SKAP1: variants seen among roughly 807,000 people sequenced by gnomAD.
SKAP1 encodes the protein src kinase associated phosphoprotein 1, also known as src kinase-associated phosphoprotein 1.
Under a neutral mutation model 58.5 loss-of-function variants are expected in SKAP1, and 44 were observed. The observed-to-expected ratio is 0.75, with a 90% confidence interval of 0.59 to 0.97. The LOEUF (loss-of-function observed/expected upper bound fraction) is 0.97, where lower values mean the gene tolerates loss of function less well. SKAP1 is among the 50% of genes least tolerant of loss of function. SKAP1 has a pLI of 0.00. For missense variants in SKAP1, 390 were observed against 435.2 expected (o/e 0.90, Z 0.92); for synonymous variants, 127 against 149.7 (o/e 0.85, Z 1.11).
At chr17:48,339,842 G>A (rs2066624191) in intron 4 of SKAP1, among the ~76,000 whole-genome samples, 1 of 151,940 alleles carries the variant, frequency 6.6e-6, no homozygotes, top group Admixed American at 6.6e-5. Flanking sequence ...CACAATAATG[G>A]GGATCTCAAA....
intron 1 of SKAP1, among the ~76,000 whole-genome samples, chr17:48,405,392 CCTTT>C (rs376278484): frequency 0.034 from 3,600 of 107,076 alleles, 91 homozygotes; most frequent in East Asian, 0.085. Flanking sequence ...TTTTCTCTTT[CCTTT>C]CTTTCTTTCT....
intron 4 of SKAP1, among the ~76,000 whole-genome samples, chr17:48,226,509 A>C (rs2065070203): frequency 6.6e-6 from 1 of 152,206 alleles, no homozygotes; most frequent in African/African-American, 2.4e-5. Context: ...TATTAAAGAT[A>C]TCTAAGTCTA....
chr17:48,306,623 T>C (rs1409290911), intron 4 of SKAP1, among the ~76,000 whole-genome samples: 2 of 152,208 alleles, frequency 1.3e-5, no homozygotes, highest in Non-Finnish European at 2.9e-5. Flanking sequence ...TAGTACTTAG[T>C]TGAAGTTATT....
chr17:48,187,554 T>TA (rs1414144472), intron 6 of SKAP1, among the ~76,000 whole-genome samples: 4 of 152,200 alleles, frequency 2.6e-5, no homozygotes, highest in African/African-American at 9.7e-5. Context: ...TTATTTTTTT[T>TA]AAAAACCAAA....
chr17:48,225,315 G>T (rs2065055158), intron 4 of SKAP1, among the ~76,000 whole-genome samples: 1 of 152,148 alleles, frequency 6.6e-6, no homozygotes, highest in South Asian at 2.1e-4. Context: ...ATATAGCAGG[G>T]AGTCAGAGAT....
chr17:48,211,233 G>C (rs1163098932), intron 4 of SKAP1, among the ~76,000 whole-genome samples: 1 of 152,120 alleles, frequency 6.6e-6, no homozygotes, highest in Non-Finnish European at 1.5e-5. Flanking sequence ...CTTAAGCCCA[G>C]GAGTTTGAGA....
intron 4 of SKAP1, among the ~76,000 whole-genome samples, chr17:48,262,468 C>T (rs1204110823): frequency 1.3e-5 from 2 of 152,066 alleles, no homozygotes; most frequent in East Asian, 3.8e-4. Context: ...ATCCTTAATC[C>T]ACAAAATTCT....
chr17:48,179,905 C>G lies in SKAP1; in HGVS notation c.826+149G>C, dbSNP rs144472360. 6.7e-5 allele frequency: 46 copies of G among 686,570 alleles called. No individual in the cohort carries two copies. In the East Asian group the frequency reaches 1.2e-3, roughly 19 times the overall value. The allele number at this position is 686,570 out of a possible 1,614,324, so 42.5% of individuals were successfully genotyped here. On this transcript the variant is annotated intron_variant, in intron 9 of 12. Transcript: ENST00000336915. The stretch of plus-strand genomic sequence containing the variant: ...AGGCAGAGCCTCATTACCCACTTCC[C>G]TACAATCTCATAAAGCGTCCCACAT...
At chr17:48,426,604 A>G (rs1262697442) in intron 1 of SKAP1, among the ~76,000 whole-genome samples, 1 of 152,236 alleles carries the variant, frequency 6.6e-6, no homozygotes, top group Admixed American at 6.5e-5. Flanking sequence ...CAGAACAAAA[A>G]CAAAAAGATA....
At chr17:48,238,586 T>A (rs944320856) in intron 4 of SKAP1, among the ~76,000 whole-genome samples, 1 of 151,986 alleles carries the variant, frequency 6.6e-6, no homozygotes, top group Non-Finnish European at 1.5e-5. Context: ...TTGCACAGGA[T>A]GGTCTCGAAC....
intron 12 of SKAP1, among the ~76,000 whole-genome samples, chr17:48,135,614 C>G (rs1244864170): frequency 6.6e-6 from 1 of 151,978 alleles, no homozygotes; most frequent in African/African-American, 2.4e-5. Flanking sequence ...AGTAGCTGGG[C>G]CTACAGACGT....
At position 48,417,836 on chromosome 17, in the gene SKAP1, A is replaced by T. The variant is rs2067750781; in HGVS notation, c.46+12239T>A. On this transcript the variant is annotated intron_variant, in intron 1 of 12. Transcript: ENST00000336915. ...TTTCTACAGCAGTGTGGATATATAA[A>T]ATATTTGGAAACACCTTAAACATCC... Among the ~76,000 whole-genome samples, 3 of 152,188 alleles carry T rather than the reference A, an allele frequency of 2.0e-5. No homozygotes were observed. The South Asian group carries it at 6.2e-4, about 31-fold the overall frequency.
chr17:48,338,013 TTTC>T lies in SKAP1; in HGVS notation c.280+7889_280+7891del, dbSNP rs557379924. Among the ~76,000 whole-genome samples, 641 of 151,232 alleles carry T rather than the reference TTTC, an allele frequency of 4.2e-3. 5 individuals are homozygous for T. The highest frequency in any genetic ancestry group is 0.01 in the Middle Eastern group (3 of 294). ...CCTTCCTTCCTACCTTCCTTCCTTC[TTTC>T]TTCACTTAGTTCCTTCTTTCCTTCC... is the stretch of plus-strand genomic sequence containing the variant. On this transcript the variant is annotated intron_variant, in intron 4 of 12. Transcript: ENST00000336915.
intron 4 of SKAP1, among the ~76,000 whole-genome samples, chr17:48,229,739 G>T (rs1472787303): frequency 6.6e-6 from 1 of 151,752 alleles, no homozygotes; most frequent in Non-Finnish European, 1.5e-5. Flanking sequence ...ATATATTTTG[G>T]CTGGTGCTAA....
At chr17:48,429,405 T>TAGTTGGAAGGTGAACACACCACAATGGG (rs1342216174) in intron 1 of SKAP1, among the ~76,000 whole-genome samples, 5 of 152,118 alleles carry the variant, frequency 3.3e-5, no homozygotes, top group African/African-American at 1.2e-4. Context: ...TTAGACACTG[T>TAGTTGGAAGGTGAACACACCACAATGGG]AGTTGGAAGG....
the SKAP1 span, among the ~76,000 whole-genome samples, chr17:48,443,342 C>T: frequency 6.6e-6 from 1 of 152,222 alleles, no homozygotes; most frequent in Non-Finnish European, 1.5e-5. Context: ...CCTGTCTTCT[C>T]CTCCTGAGGG....
the SKAP1 span, among the ~76,000 whole-genome samples, chr17:48,437,741 C>CAA: frequency 0.017 from 1,104 of 64,862 alleles, 69 homozygotes; most frequent in Middle Eastern, 0.064. Context: ...GACTCTGTCT[C>CAA]AAAAAAAAAA....
At chr17:48,272,044 A>G (rs2065640150) in intron 4 of SKAP1, among the ~76,000 whole-genome samples, 2 of 152,236 alleles carry the variant, frequency 1.3e-5, no homozygotes, top group African/African-American at 4.8e-5. Context: ...TGAATGATAG[A>G]TAACTATGTA....
chr17:48,411,128 G>A (rs572932789), intron 1 of SKAP1, among the ~76,000 whole-genome samples: 17 of 151,984 alleles, frequency 1.1e-4, no homozygotes, highest in East Asian at 1.9e-4. Context: ...GGCCGGGCAC[G>A]GTGGCTTGTG....
Sources: allele counts gnomAD v4.1 joint callset (sites outside exome capture counted in the v4.1 genomes callset), GRCh38; gene constraint gnomAD v4.1.1; transcripts MANE v1.5; gene names NCBI Gene and HGNC (gene_info 2026-07-23, HGNC 2026-07-21).